The following KCNIP4 variants were observed in gnomAD, a reference collection of about 807,000 sequenced individuals.
KCNIP4 encodes potassium voltage-gated channel interacting protein 4, also known as Kv channel-interacting protein 4.
In KCNIP4, 12 loss-of-function variants were observed where a neutral mutation model predicts 34.0. The ratio of observed to expected loss-of-function variants is 0.35; its 90% CI spans 0.23 to 0.57. The LOEUF (loss-of-function observed/expected upper bound fraction) is 0.57. Ranked by LOEUF, KCNIP4 falls within the 20% of genes least tolerant of loss-of-function variation. KCNIP4 has a pLI of 0.83. For synonymous variants in KCNIP4, 124 were observed against 102.2 expected, an observed-to-expected ratio of 1.21 and a Z score of -1.29; for missense variants, 238 against 311.7, an observed-to-expected ratio of 0.76 and a Z score of 1.78.
intron 1 of KCNIP4, among the ~76,000 whole-genome samples, chr4:21,252,759 T>A (rs1281866285): frequency 7.6e-6 from 1 of 130,824 alleles, no homozygotes; most frequent in Non-Finnish European, 1.6e-5. Context: ...AAATCCTCTT[T>A]TTTTTTTTTT....
chr4:21,836,041 TA>T (rs1247207721), intron 1 of KCNIP4, among the ~76,000 whole-genome samples: 1 of 152,032 alleles, frequency 6.6e-6, no homozygotes. Context: ...AGGGCAAAAT[TA>T]AGCCAAAATT....
chr4:21,701,923 CA>C (rs757821913), intron 1 of KCNIP4, among the ~76,000 whole-genome samples: 16 of 152,062 alleles, frequency 1.1e-4, no homozygotes, highest in Non-Finnish European at 1.8e-4. Context: ...AGGCTGGTCT[CA>C]AACTCCTGAC....
chr4:20,741,787 G>A (rs10003206), intron 5 of KCNIP4, among the ~76,000 whole-genome samples: 12 of 151,934 alleles, frequency 7.9e-5, no homozygotes, highest in Admixed American at 6.6e-4. Flanking sequence ...AGGAGCTGGT[G>A]TTTTGAAAAG....
chr4:21,042,886 A>T (rs759642950), intron 1 of KCNIP4, among the ~76,000 whole-genome samples: 2 of 152,180 alleles, frequency 1.3e-5, no homozygotes, highest in African/African-American at 4.8e-5. Context: ...AAAAAAGGAT[A>T]ATAAACATTA....
intron 1 of KCNIP4, among the ~76,000 whole-genome samples, chr4:20,971,217 T>C (rs1176341613): frequency 6.6e-6 from 1 of 152,120 alleles, no homozygotes; most frequent in African/African-American, 2.4e-5. Flanking sequence ...GAAGGAGCCA[T>C]AGAAGTTTCA....
intron 1 of KCNIP4, among the ~76,000 whole-genome samples, chr4:20,934,436 C>T (rs1042163162): frequency 1.2e-4 from 19 of 152,232 alleles, no homozygotes; most frequent in African/African-American, 4.6e-4. Context: ...AATTTCTCCC[C>T]TCTCTTGATT....
rs555229992 is a variant in KCNIP4 at position 20,786,569 on chromosome 4, C to T, written c.289-27679G>A. 3.9e-5 allele frequency among the ~76,000 whole-genome samples: 6 copies of T among 152,252 alleles called. No individual in the cohort carries two copies. In the South Asian group the frequency reaches 1.2e-3, roughly 32 times the overall value. On this transcript the variant is annotated intron_variant, in intron 3 of 8. Transcript: ENST00000382152. ...TGTTGTAGTTAGCAATAGATGGAAA[C>T]TTTATCAGAAAAAGAAGAAAATCAT... is the stretch of plus-strand genomic sequence containing the variant.
chr4:21,226,625 CAT>C (rs768358682), intron 1 of KCNIP4, among the ~76,000 whole-genome samples: 7 of 152,062 alleles, frequency 4.6e-5, no homozygotes, highest in Non-Finnish European at 8.8e-5. Flanking sequence ...TATCTTGAAA[CAT>C]AGGGAGGACT....
chr4:20,925,610 T>G (rs889962642), intron 1 of KCNIP4, among the ~76,000 whole-genome samples: 1 of 152,210 alleles, frequency 6.6e-6, no homozygotes, highest in African/African-American at 2.4e-5. Flanking sequence ...ATTTCTCTAC[T>G]TTCCTAGTGA....
At chr4:21,946,441 C>T (rs1457266189) in intron 1 of KCNIP4, among the ~76,000 whole-genome samples, 6 of 152,026 alleles carry the variant, frequency 3.9e-5, no homozygotes, top group Admixed American at 6.6e-5. Flanking sequence ...AACAAGAGAT[C>T]GGGACTATTA....
chr4:20,922,547 GTCTA>G (rs1553916287), intron 1 of KCNIP4, among the ~76,000 whole-genome samples: 3,907 of 129,442 alleles, frequency 0.03, 121 homozygotes, highest in Admixed American at 0.066. Context: ...CTGTCTGTCT[GTCTA>G]TCTATCTATC....
chr4:21,239,669 A>G (rs1759649999), intron 1 of KCNIP4, among the ~76,000 whole-genome samples: 1 of 152,206 alleles, frequency 6.6e-6, no homozygotes, highest in Non-Finnish European at 1.5e-5. Flanking sequence ...TCAAACCACA[A>G]TGAGATACCA....
intron 1 of KCNIP4, among the ~76,000 whole-genome samples, chr4:21,761,679 T>A (rs1242603449): frequency 6.6e-6 from 1 of 151,998 alleles, no homozygotes; most frequent in African/African-American, 2.4e-5. Flanking sequence ...ATATTAAAAG[T>A]GTTTCTTATA....
At chr4:21,142,467 T>C (rs1475284547) in intron 1 of KCNIP4, among the ~76,000 whole-genome samples, 1 of 152,176 alleles carries the variant, frequency 6.6e-6, no homozygotes, top group African/African-American at 2.4e-5. Flanking sequence ...CTTATGGCTA[T>C]TCTTTGACTT....
chr4:20,847,117 A>T (rs981887879), intron 3 of KCNIP4, among the ~76,000 whole-genome samples: 11 of 152,192 alleles, frequency 7.2e-5, no homozygotes, highest in Non-Finnish European at 1.2e-4. Context: ...CATACAACTG[A>T]GGTTGACCAT....
intron 1 of KCNIP4, among the ~76,000 whole-genome samples, chr4:21,787,755 T>A (rs566332480): frequency 3.5e-4 from 54 of 152,298 alleles, no homozygotes; most frequent in African/African-American, 6.7e-4. Context: ...TAAATTTTTT[T>A]AAAAATCTGC....
chr4:20,729,016 C>T lies in KCNIP4; in HGVS notation c.*1066G>A, dbSNP rs1031296502. ...TCTACTAAATCTTGGTAGTAGTTGTCAATGTAATGGAACCACTGGTGCTTT... is the reference window on the plus strand; with the variant it reads ...TCTACTAAATCTTGGTAGTAGTTGTTAATGTAATGGAACCACTGGTGCTTT... On this transcript the variant is annotated 3_prime_UTR_variant, in exon 9 of 9. Coordinates refer to ENST00000382152, the MANE Select transcript of KCNIP4 (RefSeq NM_025221.6). The T allele has an allele frequency of 6.6e-6, 1 of 152,244 alleles. No individual in the cohort carries two copies. The highest frequency in any genetic ancestry group is 2.4e-5 in the African/African-American group (1 of 41,414). 9.4% of individuals were successfully genotyped at this position (152,244 alleles called of 1,614,324 possible). A position where few individuals can be genotyped will look rare whatever the true frequency, so the allele number is the denominator to read the frequency against.
At chr4:21,905,386 G>A (rs1727937924) in intron 1 of KCNIP4, among the ~76,000 whole-genome samples, 1 of 152,020 alleles carries the variant, frequency 6.6e-6, no homozygotes, top group Non-Finnish European at 1.5e-5. Flanking sequence ...GCTTGCACAT[G>A]GCTATCACTT....
At chr4:21,810,725 A>T (rs1721601620) in intron 1 of KCNIP4, among the ~76,000 whole-genome samples, 1 of 136,094 alleles carries the variant, frequency 7.3e-6, no homozygotes, top group African/African-American at 2.6e-5. Flanking sequence ...ATCAGAGAGA[A>T]TTTTTCCTAG....
Sources: allele counts gnomAD v4.1 joint callset (sites outside exome capture counted in the v4.1 genomes callset), GRCh38; gene constraint gnomAD v4.1.1; transcripts MANE v1.5; gene names NCBI Gene and HGNC (gene_info 2026-07-23, HGNC 2026-07-21).